The following SEMA3D variants were observed in gnomAD, a reference collection of about 807,000 sequenced individuals.
SEMA3D encodes semaphorin 3D.
SEMA3D carries 84 observed loss-of-function variants against 100.1 expected under a neutral mutation model. That is an observed-to-expected ratio of 0.84 (90% CI 0.70 to 1.01). The LOEUF (loss-of-function observed/expected upper bound fraction) is 1.01. Among genes scored for constraint, SEMA3D ranks in the 50% least tolerant of loss-of-function variants. SEMA3D has a pLI of 0.00. For synonymous variants in SEMA3D, 312 were observed against 320.7 expected, an observed-to-expected ratio of 0.97 and a Z score of 0.29; for missense variants, 875 against 934.1, an observed-to-expected ratio of 0.94 and a Z score of 0.82.
intron 12 of SEMA3D, chr7:85,029,294 A>G: frequency 2.0e-6 from 2 of 994,864 alleles, no homozygotes; most frequent in East Asian, 4.8e-5. Context: ...TTGAGCAAGG[A>G]AGACATTGAG....
At chr7:85,223,877 C>T in the SEMA3D span, among the ~76,000 whole-genome samples, 1 of 151,660 alleles carries the variant, frequency 6.6e-6, no homozygotes, top group Non-Finnish European at 1.5e-5. Context: ...ATCCGTGTAA[C>T]CCCCATTCCA....
chr7:85,049,533 A>C (rs2116039968), intron 9 of SEMA3D, among the ~76,000 whole-genome samples: 1 of 151,946 alleles, frequency 6.6e-6, no homozygotes, highest in East Asian at 1.9e-4. Flanking sequence ...TGTAGCAAAC[A>C]GTATAAACCC....
In SEMA3D at chr7:85,098,064, G is replaced by T. The variant is rs1788622244; in HGVS notation, c.152-99C>A. ...AAGAAAGAAAAAGAAAGGAAAGAGA[G>T]AAAAGGAAAGAAAAAGAAAGAAAGA... On this transcript the variant is annotated intron_variant, in intron 3 of 18. Transcript: ENST00000284136. 6 of 605,154 alleles carry T rather than the reference G, an allele frequency of 9.9e-6. No individual in the cohort carries two copies. The highest frequency in any genetic ancestry group is 1.5e-5 in the Non-Finnish European group (6 of 392,596). 37.5% of individuals were successfully genotyped at this position (605,154 alleles called of 1,614,324 possible). A position where few individuals can be genotyped will look rare whatever the true frequency, so the allele number is the denominator to read the frequency against.
At position 85,012,788 on chromosome 7, in the gene SEMA3D, C is replaced by G. The variant is rs781759000; in HGVS notation, c.1762G>C (p.Glu588Gln). 1 of 1,609,250 alleles carries G rather than the reference C, an allele frequency of 6.2e-7. No homozygotes were observed. The highest frequency in any genetic ancestry group is 1.3e-5 in the African/African-American group (1 of 74,728). The stretch of plus-strand genomic sequence containing the variant: ...ATATCAGAGCTGTACTTACTGTCTT[C>G]GATGTCCCAGCACTGGGTGATTGGG... The part of the protein sequence containing the change: ...GDPITQCWDI[E>Q]DSISHETADE... Residue 588 changes from glutamate (E) to glutamine (Q), a missense_variant, in exon 17 of 19, where the codon GAA (glutamate) becomes CAA (glutamine). Physicochemically the swap from Glu to Gln is conservative, Grantham distance 29 (BLOSUM62 2). Transcript: ENST00000284136.
chr7:85,241,694 G>A, the SEMA3D span, among the ~76,000 whole-genome samples: 1 of 150,594 alleles, frequency 6.6e-6, no homozygotes, highest in African/African-American at 2.4e-5. Flanking sequence ...AGGGTGTGAG[G>A]GATAAAAAAC....
chr7:85,027,942 C>A (rs1025001079), intron 12 of SEMA3D: 2 of 589,096 alleles, frequency 3.4e-6, no homozygotes, highest in African/African-American at 3.7e-5. Context: ...CCGAACCATG[C>A]CAAACTATGT....
intron 18 of SEMA3D, among the ~76,000 whole-genome samples, chr7:85,006,502 G>A (rs2115743454): frequency 6.6e-6 from 1 of 151,970 alleles, no homozygotes; most frequent in Admixed American, 6.6e-5. Context: ...CGGTGTTCTT[G>A]TTATTAGTCA....
intron 3 of SEMA3D, among the ~76,000 whole-genome samples, chr7:85,109,298 C>T (rs1183886194): frequency 1.3e-5 from 2 of 152,024 alleles, no homozygotes; most frequent in Non-Finnish European, 2.9e-5. Context: ...TCAAACCTAT[C>T]TTTATCTTCT....
At chr7:85,237,813 T>C in the SEMA3D span, among the ~76,000 whole-genome samples, 1 of 152,274 alleles carries the variant, frequency 6.6e-6, no homozygotes, top group East Asian at 1.9e-4. Flanking sequence ...AAGAATGCAA[T>C]GACTGGATCT....
intron 11 of SEMA3D, among the ~76,000 whole-genome samples, chr7:85,039,439 A>G (rs1231417109): frequency 6.6e-6 from 1 of 152,094 alleles, no homozygotes; most frequent in African/African-American, 2.4e-5. Flanking sequence ...TTGTATTTTT[A>G]GTAGAGATGG....
At chr7:85,118,506 G>C (rs770859258) in intron 3 of SEMA3D, among the ~76,000 whole-genome samples, 1 of 152,024 alleles carries the variant, frequency 6.6e-6, no homozygotes, top group Non-Finnish European at 1.5e-5. Flanking sequence ...TTTTCTGGCA[G>C]ATATTGAGTT....
chr7:85,070,555 T>C (rs1276319848), intron 6 of SEMA3D, among the ~76,000 whole-genome samples: 1 of 152,140 alleles, frequency 6.6e-6, no homozygotes, highest in Non-Finnish European at 1.5e-5. Context: ...AGTACAATGA[T>C]TTCTTGGGAC....
At chr7:85,083,737 C>G (rs1482716352) in intron 4 of SEMA3D, among the ~76,000 whole-genome samples, 4 of 150,842 alleles carry the variant, frequency 2.7e-5, no homozygotes, top group South Asian at 2.1e-4. Flanking sequence ...GTCCCAGCTA[C>G]TCGGGAGGCT....
At chr7:85,236,280 AT>A in the SEMA3D span, among the ~76,000 whole-genome samples, 1,522 of 126,974 alleles carry the variant, frequency 0.012, 21 homozygotes, top group African/African-American at 0.042. Flanking sequence ...ATTTTATTTT[AT>A]TTTATTTATT....
chr7:85,086,631 CGTGT>C (rs58818289), intron 4 of SEMA3D, among the ~76,000 whole-genome samples: 13,397 of 140,780 alleles, frequency 0.095, 1,149 homozygotes, highest in African/African-American at 0.24. Context: ...TCTCTCTCTC[CGTGT>C]GTGTGTGTGT....
At chr7:85,028,077 C>T in intron 12 of SEMA3D, 1 of 610,754 alleles carries the variant, frequency 1.6e-6, no homozygotes, top group Non-Finnish European at 3.1e-6. Context: ...TGCCATTGTC[C>T]AGTTTGATAT....
intron 11 of SEMA3D, 96 bp downstream of exon 11, chr7:85,040,577 C>G (rs1405757076): frequency 1.5e-6 from 1 of 679,712 alleles, no homozygotes; most frequent in Non-Finnish European, 2.6e-6. Flanking sequence ...TTACGATATG[C>G]TACTACAAAC....
At chr7:85,210,084 C>T in the SEMA3D span, among the ~76,000 whole-genome samples, 1 of 152,048 alleles carries the variant, frequency 6.6e-6, no homozygotes, top group South Asian at 2.1e-4. Context: ...ACCAAGGTCA[C>T]ACCATTAACT....
At chr7:85,240,261 AT>A in the SEMA3D span, among the ~76,000 whole-genome samples, 3 of 151,584 alleles carry the variant, frequency 2.0e-5, no homozygotes, top group Non-Finnish European at 2.9e-5. Flanking sequence ...TGATCATACG[AT>A]TTTTTTTCTT....
Sources: allele counts gnomAD v4.1 joint callset (sites outside exome capture counted in the v4.1 genomes callset), GRCh38; gene constraint gnomAD v4.1.1; transcripts MANE v1.5; gene names NCBI Gene and HGNC (gene_info 2026-07-23, HGNC 2026-07-21).